The following ANAPC2 variants were observed in gnomAD, a reference collection of about 807,000 sequenced individuals.
ANAPC2 encodes anaphase-promoting complex subunit 2.
Under a neutral mutation model 84.3 loss-of-function variants are expected in ANAPC2, and 29 were observed. The observed-to-expected ratio is 0.34, with a 90% CI of 0.26 to 0.47. The LOEUF is 0.47. Ranked by LOEUF, ANAPC2 falls within the 20% of genes least tolerant of loss-of-function variation. The probability of loss-of-function intolerance (pLI) is 1.00; values close to 1 mark genes in which losing one functional copy is unlikely to be tolerated. For missense variants in ANAPC2, 857 were observed against 1,131.7 expected (o/e 0.76, Z 3.48); for synonymous variants, 571 against 479.4 (o/e 1.19, Z -2.50).
At chr9:137,186,623 A>C in intron 2 of ANAPC2, 10 of 471,018 alleles carry the variant, frequency 2.1e-5, no homozygotes, top group South Asian at 3.8e-5. Flanking sequence ...GGCCTTCCCC[A>C]TGTGATCAGT....
chr9:137,183,166 G>T lies in ANAPC2; in HGVS notation c.1245C>A (p.Val415=). The change falls in exon 6 of 13, where the codon GTC becomes GTA. Residue 415 remains valine, a synonymous_variant. Coordinates refer to ENST00000323927, the MANE Select transcript of ANAPC2 (RefSeq NM_013366.4). ...KALRVLDPSM[V]ILEVACEPIR... The stretch of plus-strand genomic sequence containing the variant: ...TAGGCTCACAGGCCACCTCCAGGAT[G>T]ACCATGGAAGGGTCCAGCACGCGCA... 1 of 1,613,212 alleles carries T rather than the reference G, an allele frequency of 6.2e-7. No homozygotes were observed.
At chr9:137,178,181 C>T (rs1368248452) in intron 10 of ANAPC2, among the ~76,000 whole-genome samples, 7 of 151,400 alleles carry the variant, frequency 4.6e-5, no homozygotes, top group Non-Finnish European at 1.0e-4. Flanking sequence ...TTGCTAGGTC[C>T]TAGTTCTGGC....
chr9:137,185,211 A>T, intron 3 of ANAPC2, 124 bp from the exon 4 acceptor site: 1 of 1,042,232 alleles, frequency 9.6e-7, no homozygotes, highest in Non-Finnish European at 1.3e-6. Context: ...CCCGAAGGCC[A>T]CCTGCGTCTG....
At chr9:137,179,183 ATGC>A (rs1242248451) in intron 10 of ANAPC2, among the ~76,000 whole-genome samples, 2 of 151,962 alleles carry the variant, frequency 1.3e-5, no homozygotes, top group East Asian at 3.9e-4. Flanking sequence ...TGCAGACTGG[ATGC>A]TGGCTGTGCC....
rs769116152 is a variant in ANAPC2, at chr9:137,187,660, A to C, written c.561T>G (p.Ser187Arg). The stretch of plus-strand genomic sequence containing the variant: ...CTGTGCCCCCTTCCCCCTTCCTCTT[A>C]CTCTGCATATAGACTCTCAAGAAGC... ...YGCFLRVYMQ[S>R]KRKGEGGTDP... is the part of the protein sequence containing the mutation. Residue 187 changes from serine (S) to arginine (R), a missense_variant, in exon 2 of 13, where the codon AGT becomes AGG. Ser to Arg is a moderately radical substitution (Grantham distance 110, BLOSUM62 -1). This residue lies in a region of ANAPC2 where 428 missense variants were observed against 513.8 expected (regional missense o/e 0.83). Transcript: ENST00000323927. The C allele has an allele frequency of 5.6e-6, 9 of 1,613,294 alleles. No homozygotes were observed. Among genetic ancestry groups the C allele is most frequent in the Non-Finnish European group, 8.5e-7 (1 of 1,179,872 alleles).
chr9:137,185,558 C>T (rs1243019810), intron 3 of ANAPC2, among the ~76,000 whole-genome samples: 2 of 152,252 alleles, frequency 1.3e-5, no homozygotes, highest in Non-Finnish European at 2.9e-5. Flanking sequence ...TGTTCACCCT[C>T]TCCACCCTAC....
At chr9:137,181,236 G>A (rs1834336721) in intron 7 of ANAPC2, among the ~76,000 whole-genome samples, 1 of 152,248 alleles carries the variant, frequency 6.6e-6, no homozygotes, top group South Asian at 2.1e-4. Flanking sequence ...CTTACCATCT[G>A]TGCCAGGGCA....
chr9:137,187,866 C>T lies in ANAPC2; in HGVS notation c.355G>A (p.Glu119Lys). 1.2e-6 allele frequency: 2 copies of T among 1,613,672 alleles called. No homozygotes were observed. Among genetic ancestry groups the T allele is most frequent in the Non-Finnish European group, 1.7e-6 (2 of 1,180,046 alleles). ...LLLLDAFGLL[E>K]SRLDPYLRSL... is the part of the protein sequence containing the mutation. ...CGCAGGTAGGGATCCAGGCGGCTCT[C>T]CAGCAGGCCAAAAGCGTCAAGGAGT... The change falls in exon 2 of 13, where the codon GAG becomes AAG. Residue 119 changes from glutamate (E) to lysine (K), a missense_variant. Physicochemically the swap from Glu to Lys is moderately conservative, Grantham distance 56. This residue lies in a region of ANAPC2 where 428 missense variants were observed against 513.8 expected (regional missense o/e 0.83). Coordinates refer to ENST00000323927, the MANE Select transcript of ANAPC2 (RefSeq NM_013366.4).
chr9:137,180,729 G>A, intron 8 of ANAPC2, 59 bp downstream of exon 8: 2 of 1,588,908 alleles, frequency 1.3e-6, no homozygotes, highest in Non-Finnish European at 1.7e-6. Flanking sequence ...CCTGTCCCGA[G>A]AGAGGCTGGG....
intron 7 of ANAPC2, 105 bp from the exon 8 acceptor site, chr9:137,181,034 T>C: frequency 1.4e-6 from 2 of 1,449,554 alleles, no homozygotes; most frequent in African/African-American, 1.4e-5. Context: ...AGCATGGCTC[T>C]TCCTGAAGGC....
chr9:137,175,031 C>G lies in ANAPC2; in HGVS notation c.2380G>C (p.Glu794Gln). The part of the protein sequence containing the change: ...GPALAEIDLQ[E>Q]LQGYLQKKVR... ...TTCTTCTGCAGGTAGCCCTGCAGCT[C>G]CTGCAGGTCAATCTCGGCCAGTGCA... is the stretch of plus-strand genomic sequence containing the variant. Residue 794 changes from glutamate to glutamine, a missense_variant, in exon 13 of 13, where the codon GAG becomes CAG. Transcript: ENST00000323927. 2 of 1,604,922 alleles carry G rather than the reference C, an allele frequency of 1.2e-6. No homozygotes were observed. The highest frequency in any genetic ancestry group is 1.1e-5 in the South Asian group (1 of 89,418).
At chr9:137,177,815 G>A (rs932859452) in intron 10 of ANAPC2, among the ~76,000 whole-genome samples, 4 of 152,168 alleles carry the variant, frequency 2.6e-5, no homozygotes, top group Admixed American at 2.0e-4. Context: ...GTTCTTCTAA[G>A]AGGGAGATAG....
chr9:137,185,105 G>A lies in ANAPC2; in HGVS notation c.874-18C>T, dbSNP rs199742574. ...TCGATCCACTGTCAGGAGAACGCTA[G>A]TGTGAGCTGCAGGGAGGCATGGTGA... is the stretch of plus-strand genomic sequence containing the variant. On this transcript the variant is annotated intron_variant, in intron 3 of 12. Coordinates refer to ENST00000323927, the MANE Select transcript of ANAPC2 (RefSeq NM_013366.4). 3.9e-6 allele frequency: 6 copies of A among 1,519,880 alleles called. No homozygotes were observed. In the East Asian group the frequency reaches 1.3e-4, roughly 32 times the overall value. 94.1% of individuals were successfully genotyped at this position (1,519,880 alleles called of 1,614,324 possible).
At position 137,175,213 on chromosome 9, in the gene ANAPC2, C is replaced by A. The variant is rs775277404; in HGVS notation, c.2256+24G>T. ...GCAGGCCTCGCCCCCGCCCCCTGGC[C>A]CCCCGTGGGGCCTGCACGCGCACCA... is the stretch of plus-strand genomic sequence containing the variant. On this transcript the variant is annotated intron_variant, in intron 12 of 12. Coordinates refer to ENST00000323927, the MANE Select transcript of ANAPC2 (RefSeq NM_013366.4). The A allele has an allele frequency of 3.7e-6, 6 of 1,608,126 alleles. No homozygotes were observed. The Admixed American group carries it at 6.7e-5, about 18-fold the overall frequency.
intron 4 of ANAPC2, 79 bp from the exon 5 acceptor site, chr9:137,183,870 T>C: frequency 2.6e-6 from 4 of 1,563,820 alleles, no homozygotes; most frequent in Non-Finnish European, 2.6e-6. Flanking sequence ...GTGTGCGGTG[T>C]GGGAAAGGAC....
chr9:137,175,939 C>T, intron 10 of ANAPC2, 102 bp from the exon 11 acceptor site: 1 of 1,411,114 alleles, frequency 7.1e-7, no homozygotes. Flanking sequence ...CCAGAGCCAC[C>T]TGCCCCACCC....
rs575139332 is a variant in ANAPC2, at chr9:137,179,840, G to A, written c.1890+341C>T. On this transcript the variant is annotated intron_variant, in intron 10 of 12. Transcript: ENST00000323927. ...CCAAGCCCCGGTTCTGAGAGGCAGA[G>A]GGTGGATAGCAAAAGAGGAGGAAAC... Among the ~76,000 whole-genome samples, 5 of 152,388 alleles carry A rather than the reference G, an allele frequency of 3.3e-5. No homozygotes were observed. In the South Asian group the frequency reaches 8.3e-4, roughly 25 times the overall value.
intron 10 of ANAPC2, among the ~76,000 whole-genome samples, chr9:137,177,340 T>C (rs529002002): frequency 6.8e-6 from 1 of 147,796 alleles, no homozygotes; most frequent in African/African-American, 2.5e-5. Flanking sequence ...TTTTCCCTTT[T>C]GGGGTGGGAA....
intron 3 of ANAPC2, among the ~76,000 whole-genome samples, chr9:137,185,292 T>A (rs1834439397): frequency 6.6e-6 from 1 of 152,156 alleles, no homozygotes; most frequent in Non-Finnish European, 1.5e-5. Flanking sequence ...CCCCCTGCAG[T>A]CTTCGTGCCT....
Sources: gnomAD v4.1 joint callset for allele counts (sites outside exome capture counted in the v4.1 genomes callset) on GRCh38, gnomAD v4.1.1 for gene constraint, gnomAD v4.1.1 regional missense constraint, MANE v1.5 for transcripts, NCBI Gene and HGNC (gene_info 2026-07-23, HGNC 2026-07-21) for gene names.